The following FAM180A variants were observed in gnomAD, a reference collection of about 807,000 sequenced individuals.
The protein encoded by FAM180A is family with sequence similarity 180 member A, also known as protein FAM180A.
Under a neutral mutation model 15.3 loss-of-function variants are expected in FAM180A, and 14 were observed. That is an observed-to-expected ratio of 0.92 (90% confidence interval 0.61 to 1.43). The LOEUF is 1.43. FAM180A is among the 40% of genes most tolerant of loss of function. FAM180A has a pLI of 0.00. For missense variants in FAM180A, 200 were observed against 220.8 expected (o/e 0.91, Z 0.60); for synonymous variants, 90 against 96.8 (o/e 0.93, Z 0.41).
intron 1 of FAM180A, among the ~76,000 whole-genome samples, chr7:135,744,743 C>T (rs1243716027): frequency 1.3e-5 from 2 of 152,220 alleles, no homozygotes; most frequent in African/African-American, 2.4e-5. Context: ...AAATTCAACT[C>T]TGCCCTTGCA....
intron 1 of FAM180A, among the ~76,000 whole-genome samples, chr7:135,738,231 GC>G (rs66745289): frequency 0.15 from 23,024 of 152,046 alleles, 3,233 homozygotes; most frequent in African/African-American, 0.38. Flanking sequence ...TTGCTCTGTT[GC>G]CCAGGCTGGA....
rs150620518 is a variant in FAM180A at position 135,737,175 on chromosome 7, C to T, written c.101G>A (p.Arg34Gln). ...TGGCAGTGATGAGGACCTCTTTGGC[C>T]GGTGGGCGGCAGGGAAGAGCACAGC... Reference protein sequence around the residue: ...SRAVLFPAAHRPKRSSSLPLN... With the variant: ...SRAVLFPAAHQPKRSSSLPLN... Residue 34 changes from arginine to glutamine, a missense_variant, in exon 2 of 4, where the codon CGG (arginine) becomes CAG (glutamine). Arg to Gln is a conservative substitution (Grantham distance 43, BLOSUM62 1). Transcript: ENST00000338588. 3.0e-5 allele frequency: 49 copies of T among 1,607,188 alleles called. No homozygotes were observed. Among genetic ancestry groups the T allele is most frequent in the South Asian group, 6.7e-5 (6 of 89,818 alleles).
rs1360954041 is a variant in FAM180A, at chr7:135,748,803, A to G, written c.-223T>C. 5.5e-6 allele frequency: 3 copies of G among 549,324 alleles called. No homozygotes were observed. The highest frequency in any genetic ancestry group is 1.9e-5 in the African/African-American group (1 of 52,662). 34.0% of individuals were successfully genotyped at this position (549,324 alleles called of 1,614,324 possible). On this transcript the variant is annotated 5_prime_UTR_variant, in exon 1 of 4. Transcript: ENST00000338588. ...CTCTCTTCATTTGACGCTCTCTGGG[A>G]TTGGGGAACTGGCCTTCCACAGAGA...
intron 1 of FAM180A, among the ~76,000 whole-genome samples, chr7:135,743,699 C>G (rs891074001): frequency 2.6e-4 from 39 of 152,250 alleles, no homozygotes; most frequent in African/African-American, 8.9e-4. Flanking sequence ...ACAAATCACC[C>G]ATTTTAAAAT....
rs1490792052 is a variant in FAM180A at position 135,748,473 on chromosome 7, TCAAA to T, written c.76+28_76+31del. On this transcript the variant is annotated intron_variant, in intron 1 of 3. Transcript: ENST00000338588. ...TGCATTGAAGAAAGTATAATGAGCA[TCAAA>T]CAAACAAATGAATAAAAAGCAACTC... The T allele has an allele frequency of 3.2e-6, 5 of 1,571,478 alleles. No individual in the cohort carries two copies. The South Asian group carries it at 4.4e-5, about 14-fold the overall frequency.
intron 1 of FAM180A, among the ~76,000 whole-genome samples, chr7:135,737,536 G>A (rs1450454530): frequency 8.2e-5 from 12 of 145,578 alleles, no homozygotes; most frequent in African/African-American, 3.1e-4. Context: ...GCAGTGAGCC[G>A]AGACTGCGCC....
chr7:135,734,118 C>T lies in FAM180A; in HGVS notation c.379G>A (p.Val127Met), dbSNP rs1253384301. ...ILKKEDFERT[V>M]LTLAYTAYRT... ...TAGGCTGTGTAGGCCAGGGTCAGCA[C>T]TGTCCTTTCAAAGTCTTCTTTCTTG... The change falls in exon 3 of 4, where the codon GTG becomes ATG. Residue 127 changes from valine (V) to methionine (M), a missense_variant. Val to Met is a conservative substitution (Grantham distance 21, BLOSUM62 1). Coordinates refer to ENST00000338588, the MANE Select transcript of FAM180A (RefSeq NM_205855.4). The T allele has an allele frequency of 2.5e-6, 4 of 1,614,232 alleles. No individual in the cohort carries two copies. The highest frequency in any genetic ancestry group is 2.5e-6 in the Non-Finnish European group (3 of 1,180,052).
intron 1 of FAM180A, among the ~76,000 whole-genome samples, chr7:135,741,115 A>G (rs1796942569): frequency 6.6e-6 from 1 of 152,210 alleles, no homozygotes. Flanking sequence ...TTCTTCGCTC[A>G]GTTGTTGCCC....
At chr7:135,736,497 A>T (rs1225335324) in intron 2 of FAM180A, among the ~76,000 whole-genome samples, 1 of 152,226 alleles carries the variant, frequency 6.6e-6, no homozygotes, top group Non-Finnish European at 1.5e-5. Flanking sequence ...CGGGAGATAG[A>T]GCCAGGACTA....
At chr7:135,740,986 C>T (rs1305286036) in intron 1 of FAM180A, among the ~76,000 whole-genome samples, 2 of 148,814 alleles carry the variant, frequency 1.3e-5, no homozygotes, top group Non-Finnish European at 3.0e-5. Context: ...AAAAAAAAAA[C>T]CTCAGTCCCA....
At position 135,733,755 on chromosome 7, in the gene FAM180A, C is replaced by T; in HGVS notation, c.*220G>A. 1 of 1,364,260 alleles carries T rather than the reference C, an allele frequency of 7.3e-7. No individual in the cohort carries two copies. Among genetic ancestry groups the T allele is most frequent in the African/African-American group, 1.5e-5 (1 of 68,204 alleles). The allele number at this position is 1,364,260 out of a possible 1,614,324, so 84.5% of individuals were successfully genotyped here. The stretch of plus-strand genomic sequence containing the variant: ...ATGGAGGCGTCTTGAATGACCATTC[C>T]AGCCCTTTCTTCCAGCCCAGGTCAC... On this transcript the variant is annotated 3_prime_UTR_variant, in exon 3 of 4. Transcript: ENST00000338588.
intron 1 of FAM180A, among the ~76,000 whole-genome samples, chr7:135,748,184 C>G (rs1797057606): frequency 6.6e-6 from 1 of 152,218 alleles, no homozygotes; most frequent in Non-Finnish European, 1.5e-5. Flanking sequence ...TCTGGCCCAA[C>G]TGCTGCAGGT....
At chr7:135,738,678 G>A (rs1291932293) in intron 1 of FAM180A, among the ~76,000 whole-genome samples, 3 of 152,182 alleles carry the variant, frequency 2.0e-5, no homozygotes, top group Non-Finnish European at 2.9e-5. Context: ...GAGGGTATAG[G>A]AATGATCATT....
At position 135,737,161 on chromosome 7, in the gene FAM180A, A is replaced by G; in HGVS notation, c.115T>C (p.Ser39Pro). ...FPAAHRPKRS[S>P]SLPLNPVLQT... ...AGGACTGGGTTCAATGGCAGTGATG[A>G]GGACCTCTTTGGCCGGTGGGCGGCA... is the stretch of plus-strand genomic sequence containing the variant. Residue 39 changes from serine to proline, a missense_variant, in exon 2 of 4, where the codon TCA (serine) becomes CCA (proline). Transcript: ENST00000338588. 1.2e-6 allele frequency: 2 copies of G among 1,610,774 alleles called. No homozygotes were observed. The highest frequency in any genetic ancestry group is 1.7e-6 in the Non-Finnish European group (2 of 1,179,020).
At chr7:135,743,529 T>C (rs557753437) in intron 1 of FAM180A, among the ~76,000 whole-genome samples, 160 of 152,278 alleles carry the variant, frequency 1.1e-3, no homozygotes, top group African/African-American at 3.8e-3. Context: ...TTATTGTTCC[T>C]TTGCAATCGC....
In FAM180A at chr7:135,734,090, C is replaced by A; in HGVS notation, c.407G>T (p.Arg136Leu). 10 of 1,614,148 alleles carry A rather than the reference C, an allele frequency of 6.2e-6. No individual in the cohort carries two copies. The highest frequency in any genetic ancestry group is 8.5e-6 in the Non-Finnish European group (10 of 1,180,034). ...CTGATGGCCGTGGGACAGGGCTGTG[C>A]GGTAGGCTGTGTAGGCCAGGGTCAG... Reference protein sequence around the residue: ...TVLTLAYTAYRTALSHGHQKD... With the variant: ...TVLTLAYTAYLTALSHGHQKD... The change falls in exon 3 of 4, where the codon CGC becomes CTC. Residue 136 changes from arginine to leucine, a missense_variant. Transcript: ENST00000338588.
intron 3 of FAM180A, among the ~76,000 whole-genome samples, chr7:135,730,561 A>G (rs1796766996): frequency 6.6e-6 from 1 of 152,108 alleles, no homozygotes; most frequent in African/African-American, 2.4e-5. Context: ...AAAACCCACA[A>G]AGTTTTTAGA....
intron 1 of FAM180A, among the ~76,000 whole-genome samples, chr7:135,742,965 A>G (rs898689578): frequency 1.3e-5 from 2 of 152,198 alleles, no homozygotes; most frequent in Non-Finnish European, 2.9e-5. Context: ...TAAGTGAACA[A>G]TGCTCCTTTT....
chr7:135,729,617 A>G lies in FAM180A; in HGVS notation c.*994T>C, dbSNP rs960982915. Reference sequence around the variant, plus strand: ...TTCCAGTGAGCAACTCAATCATGACATCTTTATTATACCATAGATGAATAT... The same window carrying G: ...TTCCAGTGAGCAACTCAATCATGACGTCTTTATTATACCATAGATGAATAT... On this transcript the variant is annotated 3_prime_UTR_variant, in exon 4 of 4. Transcript: ENST00000338588. 1.0e-6 allele frequency: 1 copy of G among 984,696 alleles called. No individual in the cohort carries two copies. The highest frequency in any genetic ancestry group is 1.2e-6 in the Non-Finnish European group (1 of 829,234). 61.0% of individuals were successfully genotyped at this position (984,696 alleles called of 1,614,324 possible).
Sources: gnomAD v4.1 joint callset for allele counts (sites outside exome capture counted in the v4.1 genomes callset) on GRCh38, gnomAD v4.1.1 for gene constraint, MANE v1.5 for transcripts, NCBI Gene and HGNC (gene_info 2026-07-23, HGNC 2026-07-21) for gene names.